NDST4: variants seen among roughly 807,000 people sequenced by gnomAD.
NDST4 encodes the protein N-heparan sulfate sulfotransferase 4.
A neutral mutation model predicts 100.8 loss-of-function variants in NDST4; 63 were observed. The ratio of observed to expected loss-of-function variants is 0.62; its 90% confidence interval spans 0.51 to 0.77. NDST4 has a LOEUF of 0.77. Among genes scored for constraint, NDST4 ranks in the 30% least tolerant of loss-of-function variants. The pLI is 0.00. For missense variants in NDST4, 943 were observed against 1,018.4 expected, an observed-to-expected ratio of 0.93 and a Z score of 1.01; for synonymous variants, 377 against 361.8, an observed-to-expected ratio of 1.04 and a Z score of -0.48.
At position 115,010,424 on chromosome 4, in the gene NDST4, G is replaced by A. The variant is rs1727517298; in HGVS notation, c.979-33150C>T. On this transcript the variant is annotated intron_variant, in intron 2 of 13. Coordinates refer to ENST00000264363, the MANE Select transcript of NDST4 (RefSeq NM_022569.3). ...AATTTGAAATCATCATTCTCAGTAA[G>A]CTATCGCAAGAACAAAAAAACAAAC... is the stretch of plus-strand genomic sequence containing the variant. Among the ~76,000 whole-genome samples the A allele has an allele frequency of 3.1e-5, 4 of 127,852 alleles. 1 individual carries two copies. The South Asian group carries it at 9.1e-4, about 29-fold the overall frequency. 83.9% of individuals were successfully genotyped at this position (127,852 alleles called of 152,430 possible). A position where few individuals can be genotyped will look rare whatever the true frequency, so the allele number is the denominator to read the frequency against.
intron 4 of NDST4, among the ~76,000 whole-genome samples, chr4:114,944,483 C>A (rs545239614): frequency 6.6e-6 from 1 of 152,132 alleles, no homozygotes; most frequent in Non-Finnish European, 1.5e-5. Context: ...ATACTCTATA[C>A]CCTACTTATT....
At chr4:115,062,865 T>C (rs1728853660) in intron 2 of NDST4, among the ~76,000 whole-genome samples, 2 of 151,846 alleles carry the variant, frequency 1.3e-5, no homozygotes, top group Non-Finnish European at 2.9e-5. Flanking sequence ...GGGTGAGCCA[T>C]ACGAGTAAAA....
At chr4:114,864,247 T>G (rs1026779423) in intron 7 of NDST4, among the ~76,000 whole-genome samples, 3 of 152,206 alleles carry the variant, frequency 2.0e-5, no homozygotes, top group Non-Finnish European at 4.4e-5. Context: ...TGCCCAGTGC[T>G]CATGATAGAA....
chr4:115,007,015 A>G (rs913917390), intron 2 of NDST4, among the ~76,000 whole-genome samples: 3 of 152,178 alleles, frequency 2.0e-5, no homozygotes, highest in African/African-American at 7.2e-5. Flanking sequence ...TATTTACTCT[A>G]TGTACTTTAC....
intron 6 of NDST4, among the ~76,000 whole-genome samples, chr4:114,920,861 C>T (rs527527622): frequency 2.1e-4 from 32 of 152,220 alleles, no homozygotes; most frequent in African/African-American, 7.7e-4. Context: ...TGATGAAACC[C>T]AATCTAAAGG....
intron 1 of NDST4, among the ~76,000 whole-genome samples, chr4:115,104,567 G>T (rs1286850904): frequency 6.6e-6 from 1 of 152,020 alleles, no homozygotes; most frequent in Non-Finnish European, 1.5e-5. Flanking sequence ...GAAAATAGAG[G>T]AAAACTATTT....
chr4:115,050,725 T>C (rs17584238), intron 2 of NDST4, among the ~76,000 whole-genome samples: 18,737 of 152,126 alleles, frequency 0.12, 1,606 homozygotes, highest in Non-Finnish European at 0.19. Flanking sequence ...GCACAGTTTG[T>C]GAGGTCGTAA....
At chr4:114,866,669 T>C (rs1212169658) in intron 7 of NDST4, among the ~76,000 whole-genome samples, 3 of 152,186 alleles carry the variant, frequency 2.0e-5, no homozygotes, top group South Asian at 4.1e-4. Flanking sequence ...GGAATCAGTA[T>C]ATGACAAGCA....
intron 1 of NDST4, among the ~76,000 whole-genome samples, chr4:115,096,100 C>T (rs1030668847): frequency 6.6e-6 from 1 of 151,588 alleles, no homozygotes; most frequent in African/African-American, 2.4e-5. Context: ...TCATTTTACA[C>T]TCTTTTATTT....
intron 2 of NDST4, among the ~76,000 whole-genome samples, chr4:114,998,284 G>A (rs1021963090): frequency 2.0e-5 from 3 of 152,082 alleles, no homozygotes; most frequent in African/African-American, 7.2e-5. Flanking sequence ...TATATCTACA[G>A]CCTCTTCTGG....
At chr4:115,108,218 CT>C (rs1345342847) in intron 1 of NDST4, among the ~76,000 whole-genome samples, 24 of 152,040 alleles carry the variant, frequency 1.6e-4, no homozygotes, top group African/African-American at 5.8e-4. Context: ...GTTACCTTTC[CT>C]TGCATTAATC....
At chr4:115,023,798 A>G (rs185667234) in intron 2 of NDST4, among the ~76,000 whole-genome samples, 1 of 152,296 alleles carries the variant, frequency 6.6e-6, no homozygotes, top group Non-Finnish European at 1.5e-5. Context: ...CAAAGGCATT[A>G]CAGAGAACTT....
chr4:114,986,828 A>ATTTTTTTT (rs1192536720), intron 2 of NDST4, among the ~76,000 whole-genome samples: 2 of 112,866 alleles, frequency 1.8e-5, no homozygotes, highest in African/African-American at 3.6e-5. Flanking sequence ...ATATATATAT[A>ATTTTTTTT]TATATTTTAA....
At chr4:114,912,739 C>T (rs1393273774) in intron 6 of NDST4, among the ~76,000 whole-genome samples, 1 of 151,954 alleles carries the variant, frequency 6.6e-6, no homozygotes, top group African/African-American at 2.4e-5. Context: ...TATCTGAATC[C>T]ATTTTGGGGG....
At chr4:115,099,449 A>G (rs1729685955) in intron 1 of NDST4, among the ~76,000 whole-genome samples, 1 of 152,184 alleles carries the variant, frequency 6.6e-6, no homozygotes, top group East Asian at 1.9e-4. Flanking sequence ...ATATACAAAG[A>G]ACTCTTAAAA....
intron 1 of NDST4, among the ~76,000 whole-genome samples, chr4:115,081,545 G>T (rs143057218): frequency 6.6e-6 from 1 of 152,036 alleles, no homozygotes; most frequent in African/African-American, 2.4e-5. Context: ...ATCTTAAGTC[G>T]TTACCATAAG....
intron 4 of NDST4, among the ~76,000 whole-genome samples, chr4:114,956,646 C>G (rs969873060): frequency 6.6e-6 from 1 of 152,090 alleles, no homozygotes; most frequent in Non-Finnish European, 1.5e-5. Flanking sequence ...GACAGCTTAA[C>G]AAAAACATCA....
intron 2 of NDST4, among the ~76,000 whole-genome samples, chr4:115,005,625 G>A (rs1162883985): frequency 1.3e-5 from 2 of 152,102 alleles, no homozygotes; most frequent in Non-Finnish European, 2.9e-5. Context: ...TAAAAGTGCA[G>A]GGTTTACTAT....
At chr4:114,937,242 A>G (rs1725649153) in intron 5 of NDST4, 76 bp downstream of exon 5, 2 of 1,470,866 alleles carry the variant, frequency 1.4e-6, no homozygotes, top group African/African-American at 2.8e-5. Flanking sequence ...TTACATCCTT[A>G]GAGGAAATGG....
Sources: gnomAD v4.1 joint callset for allele counts (sites outside exome capture counted in the v4.1 genomes callset) on GRCh38, gnomAD v4.1.1 for gene constraint, MANE v1.5 for transcripts, NCBI Gene and HGNC (gene_info 2026-07-23, HGNC 2026-07-21) for gene names.